Variants in FSIP1 observed in about 807,000 individuals in gnomAD.
FSIP1 encodes the protein fibrous sheath-interacting protein 1.
FSIP1 carries 65 observed loss-of-function variants against 60.9 expected under a neutral mutation model. That is an observed-to-expected ratio of 1.07 (90% CI 0.87 to 1.31). The LOEUF (loss-of-function observed/expected upper bound fraction) is 1.31, where lower values mean the gene tolerates loss of function less well. FSIP1 is among the 40% of genes most tolerant of loss of function. The pLI, the probability that FSIP1 is intolerant of heterozygous loss-of-function variation, is 0.00. For missense variants in FSIP1, 675 were observed against 665.5 expected (o/e 1.01, Z -0.16); for synonymous variants, 209 against 221.2 (o/e 0.94, Z 0.49).
chr15:39,680,137 A>G (rs1031556073), intron 10 of FSIP1, among the ~76,000 whole-genome samples: 3 of 152,188 alleles, frequency 2.0e-5, no homozygotes. Context: ...CTTAAAACAT[A>G]GCAAGACTCT....
intron 5 of FSIP1, 122 bp from the exon 6 acceptor site, chr15:39,742,022 A>G: frequency 1.8e-6 from 1 of 564,648 alleles, no homozygotes. Flanking sequence ...CCCTCCACAC[A>G]CATAAATTTC....
At chr15:39,730,863 C>A (rs1188803148) in intron 8 of FSIP1, among the ~76,000 whole-genome samples, 1 of 152,188 alleles carries the variant, frequency 6.6e-6, no homozygotes, top group Non-Finnish European at 1.5e-5. Flanking sequence ...CAGCAGCCAG[C>A]CCCTAACCAG....
At chr15:39,762,017 G>C (rs999274802) in intron 5 of FSIP1, among the ~76,000 whole-genome samples, 2 of 152,162 alleles carry the variant, frequency 1.3e-5, no homozygotes, top group East Asian at 3.9e-4. Flanking sequence ...GGAGATGCCT[G>C]GAGCAGGTCA....
Position 39,765,609 on chromosome 15 carries a change from G to T in FSIP1, c.448C>A (p.Leu150Met), listed in dbSNP as rs758897447. Reference protein sequence around the residue: ...KKQGLEMRIKLWEEIKSAKYS... With the variant: ...KKQGLEMRIKMWEEIKSAKYS... Reference sequence around the variant, plus strand: ...ATTCTTACCTTAATTTCTTCCCACAGCTTTATTCTCATTTCTAGACCTTGC... The same window carrying T: ...ATTCTTACCTTAATTTCTTCCCACATCTTTATTCTCATTTCTAGACCTTGC... Residue 150 changes from leucine (L) to methionine (M), a missense_variant, in exon 4 of 12, where the codon CTG (leucine) becomes ATG (methionine). Physicochemically the swap from Leu to Met is conservative, Grantham distance 15. Coordinates refer to ENST00000350221, the MANE Select transcript of FSIP1 (RefSeq NM_152597.5). 6.3e-7 allele frequency: 1 copy of T among 1,586,138 alleles called. No individual in the cohort carries two copies. Among genetic ancestry groups the T allele is most frequent in the Non-Finnish European group, 8.5e-7 (1 of 1,170,866 alleles).
rs114510028 is a variant in FSIP1 at position 39,731,805 on chromosome 15, T to C, written c.892-5058A>G. Among the ~76,000 whole-genome samples the C allele has an allele frequency of 7.4e-3, 1,127 of 152,248 alleles. 10 individuals carry two copies. The highest frequency in any genetic ancestry group is 0.026 in the African/African-American group (1,069 of 41,534). ...ACCAGACTCCCCGACTCAATACTACTAGATGTGAGTGACCTGAGATCGGAT... is the reference window on the plus strand; with the variant it reads ...ACCAGACTCCCCGACTCAATACTACCAGATGTGAGTGACCTGAGATCGGAT... On this transcript the variant is annotated intron_variant, in intron 8 of 11. Transcript: ENST00000350221.
chr15:39,770,297 CT>C (rs941935302), intron 3 of FSIP1, 129 bp downstream of exon 3: 117 of 591,516 alleles, frequency 2.0e-4, no homozygotes, highest in South Asian at 3.4e-4. Context: ...TAGTCTATGT[CT>C]TTTTTTTGGT....
chr15:39,676,061 T>C (rs566146236), intron 10 of FSIP1, among the ~76,000 whole-genome samples: 21 of 149,660 alleles, frequency 1.4e-4, no homozygotes, highest in Non-Finnish European at 2.4e-4. Flanking sequence ...TAGTTCCAGC[T>C]ACTTGAAAGG....
chr15:39,779,774 G>A (rs1438823971), intron 1 of FSIP1, among the ~76,000 whole-genome samples: 1 of 152,204 alleles, frequency 6.6e-6, no homozygotes, highest in Non-Finnish European at 1.5e-5. Context: ...AGAGGCTTCT[G>A]AGAAATGCAA....
At chr15:39,729,363 G>A (rs1227095144) in intron 8 of FSIP1, among the ~76,000 whole-genome samples, 2 of 152,178 alleles carry the variant, frequency 1.3e-5, no homozygotes, top group East Asian at 3.8e-4. Flanking sequence ...CCTGAGCCCA[G>A]GAGTTCAATA....
intron 8 of FSIP1, among the ~76,000 whole-genome samples, chr15:39,732,721 AT>A (rs1896456951): frequency 6.6e-6 from 1 of 152,066 alleles, no homozygotes; most frequent in Non-Finnish European, 1.5e-5. Context: ...TAGTCATATC[AT>A]TTAGTCTTCT....
At position 39,630,299 on chromosome 15, in the gene FSIP1, A is replaced by G. The variant is rs926493550; in HGVS notation, c.1189-12054T>C. Among the ~76,000 whole-genome samples the G allele has an allele frequency of 3.9e-5, 6 of 152,382 alleles. No individual in the cohort carries two copies. The East Asian group carries it at 9.6e-4, about 24-fold the overall frequency. On this transcript the variant is annotated intron_variant, in intron 10 of 11. Coordinates refer to ENST00000350221, the MANE Select transcript of FSIP1 (RefSeq NM_152597.5). ...CCAAATTATGAAAGTTAAATTATCTAGAGAGCAAACCAAAAAAGCTGTGTA... is the reference window on the plus strand; with the variant it reads ...CCAAATTATGAAAGTTAAATTATCTGGAGAGCAAACCAAAAAAGCTGTGTA...
intron 11 of FSIP1, 84 bp downstream of exon 11, chr15:39,617,651 C>T (rs2140380098): frequency 1.7e-6 from 2 of 1,182,968 alleles, no homozygotes; most frequent in Non-Finnish European, 2.4e-6. Context: ...ACCTTCTTAC[C>T]CGACTCTAAT....
chr15:39,686,109 A>T (rs1038362220), intron 10 of FSIP1, among the ~76,000 whole-genome samples: 1 of 152,236 alleles, frequency 6.6e-6, no homozygotes, highest in Non-Finnish European at 1.5e-5. Context: ...TATCAAGGAC[A>T]GCAATAGGCT....
At chr15:39,627,351 T>C (rs1891684577) in intron 10 of FSIP1, among the ~76,000 whole-genome samples, 2 of 152,230 alleles carry the variant, frequency 1.3e-5, no homozygotes, top group South Asian at 4.1e-4. Flanking sequence ...CAAGCCCCTC[T>C]TGGCTCCTTC....
chr15:39,713,785 C>T (rs1474047698), intron 9 of FSIP1, among the ~76,000 whole-genome samples: 1 of 152,148 alleles, frequency 6.6e-6, no homozygotes, highest in Admixed American at 6.5e-5. Flanking sequence ...AGGAAAGGAA[C>T]CCAACTTCTG....
intron 10 of FSIP1, among the ~76,000 whole-genome samples, chr15:39,624,919 G>A (rs1186105621): frequency 6.6e-6 from 1 of 152,234 alleles, no homozygotes; most frequent in East Asian, 1.9e-4. Context: ...AAACAGGAAA[G>A]TGAGTCAGCT....
At chr15:39,729,245 C>T (rs1183751676) in intron 8 of FSIP1, among the ~76,000 whole-genome samples, 4 of 152,174 alleles carry the variant, frequency 2.6e-5, no homozygotes, top group East Asian at 1.9e-4. Context: ...TGGGTATATA[C>T]CCAAAGGAAT....
At chr15:39,670,690 A>T (rs974196192) in intron 10 of FSIP1, among the ~76,000 whole-genome samples, 4 of 152,214 alleles carry the variant, frequency 2.6e-5, no homozygotes, top group Admixed American at 1.3e-4. Context: ...TCTTACTAAG[A>T]CTGCCAAATG....
intron 2 of FSIP1, among the ~76,000 whole-genome samples, chr15:39,770,969 T>C (rs1281022742): frequency 6.6e-6 from 1 of 152,234 alleles, no homozygotes; most frequent in Non-Finnish European, 1.5e-5. Flanking sequence ...ACTTGCCACA[T>C]GTGGCTACAG....
Sources: gnomAD v4.1 joint callset for allele counts (sites outside exome capture counted in the v4.1 genomes callset) on GRCh38, gnomAD v4.1.1 for gene constraint, MANE v1.5 for transcripts, NCBI Gene and HGNC (gene_info 2026-07-23, HGNC 2026-07-21) for gene names.